ZNF732: variants seen among roughly 807,000 people sequenced by gnomAD.
The protein encoded by ZNF732 is zinc finger protein 732, also known as zinc finger protein LOC654254.
A neutral mutation model predicts 11.5 loss-of-function variants in ZNF732; 12 were observed. The ratio of observed to expected loss-of-function variants is 1.05; its 90% confidence interval spans 0.67 to 1.70. The LOEUF is 1.70. ZNF732 is among the 40% of genes most tolerant of loss of function. The probability of loss-of-function intolerance (pLI) is 0.00; values close to 1 mark genes in which losing one functional copy is unlikely to be tolerated. For missense variants in ZNF732, 702 were observed against 676.9 expected (o/e 1.04, Z -0.41); for synonymous variants, 231 against 236.5 (o/e 0.98, Z 0.21).
intron 1 of ZNF732, among the ~76,000 whole-genome samples, chr4:299,523 G>GTGTATATATACATATATACACATATATA (rs1409964181): frequency 8.3e-6 from 1 of 120,892 alleles, no homozygotes; most frequent in African/African-American, 3.2e-5. Context: ...ACGTATATAT[G>GTGTATATATACATATATACACATATATA]TGTATATATA....
intron 1 of ZNF732, among the ~76,000 whole-genome samples, chr4:300,257 T>C (rs558026263): frequency 6.9e-4 from 103 of 150,010 alleles, no homozygotes; most frequent in Admixed American, 1.4e-3. Flanking sequence ...GGTCAGGAGA[T>C]TGAGACCATC....
intron 1 of ZNF732, among the ~76,000 whole-genome samples, chr4:299,504 C>CACATATAT (rs1228388850): frequency 1.3e-5 from 1 of 78,544 alleles, no homozygotes; most frequent in African/African-American, 5.3e-5. Context: ...TGTATATATA[C>CACATATAT]ACACATATAC....
intron 3 of ZNF732, 138 bp from the exon 4 acceptor site, chr4:272,768 CAT>C (rs1719417309): frequency 2.4e-6 from 2 of 845,502 alleles, no homozygotes; most frequent in Admixed American, 6.8e-5. Context: ...TCTTCACAGA[CAT>C]ATATATGTAA....
rs782420183 is a variant in ZNF732 at position 305,329 on chromosome 4, T to C, written c.-19A>G. 3.7e-6 allele frequency: 6 copies of C among 1,607,724 alleles called. No individual in the cohort carries two copies. The South Asian group carries it at 5.5e-5, about 15-fold the overall frequency. The stretch of plus-strand genomic sequence containing the variant: ...TCACCATTTCCCCACTTCAGGGGTG[T>C]AGCGGAGTCTCAGCTACGAATCATC... On this transcript the variant is annotated 5_prime_UTR_variant, in exon 1 of 4. Transcript: ENST00000419098.
intron 1 of ZNF732, among the ~76,000 whole-genome samples, chr4:297,607 TAAA>T (rs57681246): frequency 0.02 from 1,993 of 100,988 alleles, 31 homozygotes; most frequent in South Asian, 0.038. Context: ...TTAAGATTTG[TAAA>T]AAAAAAAAAA....
At chr4:303,062 T>C (rs1316764304) in intron 1 of ZNF732, among the ~76,000 whole-genome samples, 1 of 152,148 alleles carries the variant, frequency 6.6e-6, no homozygotes, top group African/African-American at 2.4e-5. Flanking sequence ...TGGCGAGCAA[T>C]ATCCACAGTT....
intron 3 of ZNF732, among the ~76,000 whole-genome samples, chr4:293,765 CAATAA>C (rs1456024680): frequency 6.6e-6 from 1 of 151,958 alleles, no homozygotes; most frequent in Non-Finnish European, 1.5e-5. Flanking sequence ...CTATATTTTA[CAATAA>C]AATATGTGCA....
Position 272,746 on chromosome 4 carries a change from C to G in ZNF732, c.227-116G>C. ...AGTAAGATGGCATAACAAAATACCACAGGCCATAATTTCTTCACAGACATA... is the reference window on the plus strand; with the variant it reads ...AGTAAGATGGCATAACAAAATACCAGAGGCCATAATTTCTTCACAGACATA... On this transcript the variant is annotated intron_variant, in intron 3 of 3. Coordinates refer to ENST00000419098, the MANE Select transcript of ZNF732 (RefSeq NM_001137608.3). The G allele has an allele frequency of 3.0e-6, 3 of 1,003,136 alleles. No homozygotes were observed. In the South Asian group the frequency reaches 7.2e-5, roughly 24 times the overall value. The allele number at this position is 1,003,136 out of a possible 1,614,324, so 62.1% of individuals were successfully genotyped here. A position where few individuals can be genotyped will look rare whatever the true frequency, so the allele number is the denominator to read the frequency against.
intron 1 of ZNF732, among the ~76,000 whole-genome samples, chr4:301,566 T>C (rs1231396370): frequency 6.6e-6 from 1 of 152,158 alleles, no homozygotes; most frequent in Non-Finnish European, 1.5e-5. Flanking sequence ...GTGTCCTTTG[T>C]AGGGACATGG....
intron 3 of ZNF732, among the ~76,000 whole-genome samples, chr4:293,255 TACAC>T (rs1200658151): frequency 1.8e-4 from 24 of 131,796 alleles, no homozygotes; most frequent in African/African-American, 5.4e-4. Flanking sequence ...TATATATATA[TACAC>T]ATATATATGT....
intron 1 of ZNF732, among the ~76,000 whole-genome samples, chr4:297,623 A>AAAAC (rs1553842608): frequency 6.6e-6 from 1 of 151,600 alleles, no homozygotes; most frequent in African/African-American, 2.4e-5. Context: ...AAAAAAAAAA[A>AAAAC]AAAAAAAAAC....
intron 3 of ZNF732, among the ~76,000 whole-genome samples, chr4:293,706 C>CA (rs1204097987): frequency 1.0e-4 from 15 of 150,746 alleles, no homozygotes; most frequent in Non-Finnish European, 1.8e-4. Context: ...TTCTTATTAC[C>CA]AAAAAAAATG....
At chr4:275,296 T>C (rs1012380981) in intron 3 of ZNF732, among the ~76,000 whole-genome samples, 1 of 151,764 alleles carries the variant, frequency 6.6e-6, no homozygotes, top group Non-Finnish European at 1.5e-5. Context: ...CATGCTCTTG[T>C]TCAAAGTTTG....
At chr4:282,166 A>C (rs977074169) in intron 3 of ZNF732, among the ~76,000 whole-genome samples, 2 of 152,184 alleles carry the variant, frequency 1.3e-5, no homozygotes, top group Admixed American at 1.3e-4. Context: ...TAAAAAAGTG[A>C]ATAAAGCATA....
chr4:276,632 T>C (rs1174694688), intron 3 of ZNF732, among the ~76,000 whole-genome samples: 10 of 151,896 alleles, frequency 6.6e-5, no homozygotes, highest in Admixed American at 5.2e-4. Flanking sequence ...CTCTTTACAC[T>C]GAAAATTGTA....
chr4:277,506 T>C (rs1351310383), intron 3 of ZNF732, among the ~76,000 whole-genome samples: 3 of 151,962 alleles, frequency 2.0e-5, no homozygotes, highest in Admixed American at 1.3e-4. Context: ...AAAAAGTACA[T>C]GCAAAGATGC....
At chr4:292,412 C>G (rs1423268347) in intron 3 of ZNF732, among the ~76,000 whole-genome samples, 1 of 151,876 alleles carries the variant, frequency 6.6e-6, no homozygotes, top group South Asian at 2.1e-4. Context: ...ACAAAATTAG[C>G]TGGGCATGGT....
chr4:272,648 A>G lies in ZNF732; in HGVS notation c.227-18T>C, dbSNP rs1553838064. On this transcript the variant is annotated intron_variant, in intron 3 of 3. Transcript: ENST00000419098. ...ACACACAGCTGAAAGAAATAAAAAT[A>G]AATTATCCTGCTTACTAGATTCATA... 2.7e-6 allele frequency: 4 copies of G among 1,488,478 alleles called. No individual in the cohort carries two copies. The highest frequency in any genetic ancestry group is 8.9e-7 in the Non-Finnish European group (1 of 1,120,030). 92.2% of individuals were successfully genotyped at this position (1,488,478 alleles called of 1,614,324 possible).
intron 1 of ZNF732, among the ~76,000 whole-genome samples, chr4:301,122 A>T (rs140241955): frequency 0.013 from 1,974 of 152,366 alleles, 22 homozygotes; most frequent in Middle Eastern, 0.061. Context: ...AAAAATGCTC[A>T]TCATCACTGG....
Sources: gnomAD v4.1 joint callset for allele counts (sites outside exome capture counted in the v4.1 genomes callset) on GRCh38, gnomAD v4.1.1 for gene constraint, MANE v1.5 for transcripts, NCBI Gene and HGNC (gene_info 2026-07-23, HGNC 2026-07-21) for gene names.